The following CDK5RAP3 variants were observed in gnomAD, a reference collection of about 807,000 sequenced individuals.
CDK5RAP3 encodes the protein CDK5 regulatory subunit-associated protein 3.
In CDK5RAP3, 58 loss-of-function variants were observed where a neutral mutation model predicts 73.3. The ratio of observed to expected loss-of-function variants is 0.79; its 90% CI spans 0.64 to 0.98. The LOEUF (loss-of-function observed/expected upper bound fraction) is 0.98. CDK5RAP3 is among the 50% of genes least tolerant of loss of function. The pLI is 0.00. For synonymous variants in CDK5RAP3, 224 were observed against 247.5 expected (o/e 0.91, Z 0.89); for missense variants, 525 against 615.8 (o/e 0.85, Z 1.56).
Position 47,973,658 on chromosome 17 carries a change from C to T in CDK5RAP3, c.184+8C>T. 3 of 1,613,494 alleles carry T rather than the reference C, an allele frequency of 1.9e-6. No homozygotes were observed. The highest frequency in any genetic ancestry group is 2.5e-6 in the Non-Finnish European group (3 of 1,179,520). On this transcript the variant is annotated splice_region_variant and intron_variant, in intron 3 of 13. Transcript: ENST00000338399. Reference sequence around the variant, plus strand: ...AGCTGCTGTCTGGGTCCTGTGAGTGCTTAGGGGCTGTCACTGGAGTCCCCT... The same window carrying T: ...AGCTGCTGTCTGGGTCCTGTGAGTGTTTAGGGGCTGTCACTGGAGTCCCCT...
At chr17:47,976,951 G>A in intron 9 of CDK5RAP3, 129 bp downstream of exon 9, 4 of 525,286 alleles carry the variant, frequency 7.6e-6, no homozygotes, top group Non-Finnish European at 1.4e-5. Flanking sequence ...AAGGGAGGCA[G>A]AGTTTCACAC....
chr17:47,968,361 C>T (rs2036210567), upstream of CDK5RAP3, among the ~76,000 whole-genome samples: 1 of 152,182 alleles, frequency 6.6e-6, no homozygotes, highest in Non-Finnish European at 1.5e-5. Flanking sequence ...GTTGCCCAGG[C>T]TGGAGTGCAG....
In CDK5RAP3 at chr17:47,976,719, G is replaced by T; in HGVS notation, c.806G>T (p.Trp269Leu). 2 of 1,609,400 alleles carry T rather than the reference G, an allele frequency of 1.2e-6. No homozygotes were observed. The highest frequency in any genetic ancestry group is 1.7e-6 in the Non-Finnish European group (2 of 1,176,682). Residue 269 changes from tryptophan (W) to leucine (L), a missense_variant, in exon 9 of 14, where the codon TGG becomes TTG. Trp to Leu is a moderately conservative substitution (Grantham distance 61). This residue lies in a region of CDK5RAP3 where 409 missense variants were observed against 429.8 expected (regional missense o/e 0.95). Coordinates refer to ENST00000338399, the MANE Select transcript of CDK5RAP3 (RefSeq NM_176096.3). ...CTCTCTTTCCCTTTCCAGATTGACTGGGGCGACTTTGGGGTAGAGGCAGTG... is the reference window on the plus strand; with the variant it reads ...CTCTCTTTCCCTTTCCAGATTGACTTGGGCGACTTTGGGGTAGAGGCAGTG... ...PEQVAEDAID[W>L]GDFGVEAVSE... is the part of the protein sequence containing the mutation.
At chr17:47,980,464 T>C in intron 11 of CDK5RAP3, 129 bp from the exon 12 acceptor site, 1 of 783,798 alleles carries the variant, frequency 1.3e-6, no homozygotes, top group Non-Finnish European at 2.2e-6. Context: ...AGACAGGGTC[T>C]CATCGTTTCC....
At chr17:47,970,427 A>AC, upstream of CDK5RAP3, 1 of 519,756 alleles carries the variant, frequency 1.9e-6, no homozygotes, top group Non-Finnish European at 3.5e-6. Flanking sequence ...TGTTGCTTGC[A>AC]CCCCTCTTGC....
chr17:47,976,012 C>G lies in CDK5RAP3; in HGVS notation c.797C>G (p.Ala266Gly), dbSNP rs766509639. Reference protein sequence around the residue: ...EELPEQVAEDAIDWGDFGVEA... With the variant: ...EELPEQVAEDGIDWGDFGVEA... ...CTTCCTGAGCAGGTGGCAGAAGATG[C>G]GGTAAGATGGGCCTTGTGATGAGCT... The change falls in exon 8 of 14, where the codon GCG (alanine) becomes GGG (glycine). Residue 266 changes from alanine (A) to glycine (G), a missense_variant and splice_region_variant. This residue lies in a region of CDK5RAP3 where 409 missense variants were observed against 429.8 expected (regional missense o/e 0.95). Transcript: ENST00000338399. The G allele has an allele frequency of 1.9e-6, 3 of 1,613,578 alleles. No individual in the cohort carries two copies. Among genetic ancestry groups the G allele is most frequent in the Non-Finnish European group, 1.7e-6 (2 of 1,179,938 alleles).
At position 47,976,813 on chromosome 17, in the gene CDK5RAP3, A is replaced by G. The variant is rs1317529539; in HGVS notation, c.900A>G (p.Ser300=). 6.2e-7 allele frequency: 1 copy of G among 1,605,190 alleles called. No homozygotes were observed. Among genetic ancestry groups the G allele is most frequent in the Non-Finnish European group, 8.5e-7 (1 of 1,174,260 alleles). The stretch of plus-strand genomic sequence containing the variant: ...TCGACTGGGGCATCTTCCCGGAATC[A>G]GATTCAAAGGTGAGGAGGCCTTCTC... The part of the protein sequence containing the change: ...AGIDWGIFPE[S]DSKDPGGDGI... Residue 300 remains serine, a synonymous_variant, in exon 9 of 14, where the codon TCA becomes TCG. Coordinates refer to ENST00000338399, the MANE Select transcript of CDK5RAP3 (RefSeq NM_176096.3).
upstream of CDK5RAP3, among the ~76,000 whole-genome samples, chr17:47,968,870 G>A (rs990322572): frequency 6.6e-6 from 1 of 151,766 alleles, no homozygotes; most frequent in African/African-American, 2.4e-5. Flanking sequence ...GGCTGGTCTC[G>A]AATTCCTGAC....
At position 47,973,782 on chromosome 17, in the gene CDK5RAP3, TGCTG is replaced by T. The variant is rs2036325017; in HGVS notation, c.184+136_184+139del. On this transcript the variant is annotated intron_variant, in intron 3 of 13. Coordinates refer to ENST00000338399, the MANE Select transcript of CDK5RAP3 (RefSeq NM_176096.3). ...GAGCGATTTTTATTTGAGGTATAGATGCTGGCTTCTTCCACTATGAAATGATTTA... is the reference window on the plus strand; with the variant it reads ...GAGCGATTTTTATTTGAGGTATAGATGCTTCTTCCACTATGAAATGATTTA... 1.3e-5 allele frequency: 16 copies of T among 1,270,506 alleles called. No homozygotes were observed. The East Asian group carries it at 3.7e-4, about 30-fold the overall frequency. 78.7% of individuals were successfully genotyped at this position (1,270,506 alleles called of 1,614,324 possible).
At chr17:47,977,581 T>G (rs901028853) in intron 9 of CDK5RAP3, among the ~76,000 whole-genome samples, 2 of 152,108 alleles carry the variant, frequency 1.3e-5, no homozygotes, top group African/African-American at 4.8e-5. Context: ...GCCCAGCCCA[T>G]GTGAGAGTTA....
upstream of CDK5RAP3, chr17:47,970,598 C>T: frequency 7.0e-7 from 1 of 1,437,864 alleles, no homozygotes; most frequent in Non-Finnish European, 9.5e-7. Flanking sequence ...GCCCTAATCG[C>T]CCAACACGTT....
At chr17:47,974,651 A>AGGCC in intron 5 of CDK5RAP3, 1 of 1,397,704 alleles carries the variant, frequency 7.2e-7, no homozygotes, top group East Asian at 2.7e-5. Flanking sequence ...GAGGAGGTCC[A>AGGCC]GGCCGGTAGT....
In CDK5RAP3 at chr17:47,981,627, A is replaced by G. The variant is rs780296671; in HGVS notation, c.*125A>G. The G allele has an allele frequency of 5.7e-6, 9 of 1,576,608 alleles. No individual in the cohort carries two copies. The highest frequency in any genetic ancestry group is 7.7e-6 in the Non-Finnish European group (9 of 1,164,364). On this transcript the variant is annotated 3_prime_UTR_variant, in exon 14 of 14. Coordinates refer to ENST00000338399, the MANE Select transcript of CDK5RAP3 (RefSeq NM_176096.3). Reference sequence around the variant, plus strand: ...GACTGGAAGATGGAAAGCCACAGGAAGGAAGCGGCACCTGATGGTGATCTT... The same window carrying G: ...GACTGGAAGATGGAAAGCCACAGGAGGGAAGCGGCACCTGATGGTGATCTT...
intron 3 of CDK5RAP3, 99 bp downstream of exon 3, chr17:47,973,749 T>C: frequency 6.7e-7 from 1 of 1,500,822 alleles, no homozygotes; most frequent in Non-Finnish European, 9.1e-7. Flanking sequence ...GGCTGGCCTT[T>C]AGAGAGGGAG....
rs2036492531 is a variant in CDK5RAP3, at chr17:47,979,042, C to T, written c.1077+125C>T. ...TGTGAGTGCTATTTGTGTCCTACAG[C>T]AGGAGCCTCACGTATTAGATGCCTC... On this transcript the variant is annotated intron_variant, in intron 11 of 13. Coordinates refer to ENST00000338399, the MANE Select transcript of CDK5RAP3 (RefSeq NM_176096.3). The T allele has an allele frequency of 7.0e-6, 5 of 717,408 alleles. No individual in the cohort carries two copies. In the South Asian group the frequency reaches 7.8e-5, roughly 11 times the overall value. The allele number at this position is 717,408 out of a possible 1,614,324, so 44.4% of individuals were successfully genotyped here.
In CDK5RAP3 at chr17:47,981,498, T is replaced by C; in HGVS notation, c.1517T>C (p.Leu506Pro). Residue 506 changes from leucine (L) to proline (P), a missense_variant, in exon 14 of 14, where the codon CTG (leucine) becomes CCG (proline). Around this residue, in one of 2 missense-constraint regions of CDK5RAP3, gnomAD observed 116 missense variants for 186.1 expected, o/e 0.62. Coordinates refer to ENST00000338399, the MANE Select transcript of CDK5RAP3 (RefSeq NM_176096.3). Reference protein sequence around the residue: ...GRPVNLMGTSL With the variant: ...GRPVNLMGTSP ...CCTGTGAACCTGATGGGAACCTCTCTGTGACACCCTCCGTGTTCTTGCCTG... is the reference window on the plus strand; with the variant it reads ...CCTGTGAACCTGATGGGAACCTCTCCGTGACACCCTCCGTGTTCTTGCCTG... The C allele has an allele frequency of 3.7e-6, 6 of 1,614,270 alleles. No homozygotes were observed. The highest frequency in any genetic ancestry group is 5.1e-6 in the Non-Finnish European group (6 of 1,180,046).
At chr17:47,969,554 C>A, upstream of CDK5RAP3, among the ~76,000 whole-genome samples, 1 of 52,642 alleles carries the variant, frequency 1.9e-5, no homozygotes, top group African/African-American at 8.6e-5. Context: ...GTGACTCCGT[C>A]TCAAAAAAAA....
In CDK5RAP3 at chr17:47,976,077, C is replaced by G. The variant is rs1438216596; in HGVS notation, c.798+64C>G. ...GGAGCTGCTTGTCCCCTCCCCACCC[C>G]CAACAGCCCAACCCAAGACCCAGAG... On this transcript the variant is annotated intron_variant, in intron 8 of 13. Transcript: ENST00000338399. 2.6e-6 allele frequency: 4 copies of G among 1,556,808 alleles called. No individual in the cohort carries two copies. The East Asian group carries it at 9.3e-5, about 36-fold the overall frequency.
At chr17:47,976,268 T>G (rs188120206) in intron 8 of CDK5RAP3, among the ~76,000 whole-genome samples, 2 of 152,190 alleles carry the variant, frequency 1.3e-5, no homozygotes, top group Non-Finnish European at 2.9e-5. Flanking sequence ...AGATGGGCTT[T>G]CTTTGGGGTA....
Sources: gnomAD v4.1 joint callset for allele counts (sites outside exome capture counted in the v4.1 genomes callset) on GRCh38, gnomAD v4.1.1 for gene constraint, gnomAD v4.1.1 regional missense constraint, MANE v1.5 for transcripts, NCBI Gene and HGNC (gene_info 2026-07-23, HGNC 2026-07-21) for gene names.